Variants in EGFR observed in about 807,000 individuals in gnomAD.
The protein encoded by EGFR is epidermal growth factor receptor, also known as avian erythroblastic leukemia viral (v-erb-b) oncogene homolog.
Under a neutral mutation model 143.0 loss-of-function variants are expected in EGFR, and 58 were observed. That is an observed-to-expected ratio of 0.41 (90% CI 0.33 to 0.50). EGFR has a LOEUF of 0.50. Ranked by LOEUF, EGFR falls within the 20% of genes least tolerant of loss-of-function variation. The pLI is 0.39. For synonymous variants in EGFR, 613 were observed against 594.4 expected (o/e 1.03, Z -0.45); for missense variants, 1,307 against 1,579.0 (o/e 0.83, Z 2.92).
intron 1 of EGFR, among the ~76,000 whole-genome samples, chr7:55,104,488 ATT>A (rs1322820766): frequency 1.3e-5 from 2 of 152,100 alleles, no homozygotes; most frequent in Admixed American, 6.5e-5. Flanking sequence ...CGTGAGCCTC[ATT>A]TGTCTCATCT....
intron 1 of EGFR, among the ~76,000 whole-genome samples, chr7:55,022,087 G>C (rs746429918): frequency 2.0e-5 from 3 of 152,136 alleles, no homozygotes; most frequent in Non-Finnish European, 2.9e-5. Flanking sequence ...CGGGCTGTCC[G>C]GCAGTCTGCA....
chr7:55,180,795 G>A (rs13243364), intron 19 of EGFR: 101,373 of 182,250 alleles, frequency 0.56, 29,180 homozygotes, highest in Middle Eastern at 0.66. Context: ...GGTGCTCCCC[G>A]GATGCCTTCT....
intron 1 of EGFR, among the ~76,000 whole-genome samples, chr7:55,126,304 T>A (rs1287985832): frequency 2.0e-5 from 3 of 152,168 alleles, no homozygotes; most frequent in African/African-American, 7.2e-5. Context: ...GGACTGTTCG[T>A]TTTTGCACAT....
At chr7:55,026,998 G>A (rs2128859720) in intron 1 of EGFR, among the ~76,000 whole-genome samples, 1 of 152,298 alleles carries the variant, frequency 6.6e-6, no homozygotes, top group South Asian at 2.1e-4. Flanking sequence ...TAAGACACTG[G>A]AAGGGCAGGC....
intron 19 of EGFR, among the ~76,000 whole-genome samples, chr7:55,176,892 G>A (rs1786618133): frequency 7.1e-6 from 1 of 141,274 alleles, no homozygotes; most frequent in African/African-American, 2.6e-5. Flanking sequence ...TATATTTAGA[G>A]ATATATATCT....
In EGFR at chr7:55,181,472, C is replaced by G. The variant is rs367859869; in HGVS notation, c.2463C>G (p.Ile821Met). Residue 821 changes from isoleucine (I) to methionine (M), a missense_variant, in exon 20 of 28, where the codon ATC becomes ATG. This residue lies in a region of EGFR where 348 missense variants were observed against 451.5 expected (regional missense o/e 0.77). Coordinates refer to ENST00000275493, the MANE Select transcript of EGFR (RefSeq NM_005228.5). The part of the protein sequence containing the change: ...SQYLLNWCVQ[I>M]AKGMNYLEDR... Reference sequence around the variant, plus strand: ...ACCTGCTCAACTGGTGTGTGCAGATCGCAAAGGTAATCAGGGAAGGGAGAT... The same window carrying G: ...ACCTGCTCAACTGGTGTGTGCAGATGGCAAAGGTAATCAGGGAAGGGAGAT... The G allele has an allele frequency of 1.9e-6, 3 of 1,614,200 alleles. No homozygotes were observed. The highest frequency in any genetic ancestry group is 2.5e-6 in the Non-Finnish European group (3 of 1,180,040).
At position 55,152,639 on chromosome 7, in the gene EGFR, C is replaced by T. The variant is rs370744986; in HGVS notation, c.722C>T (p.Thr241Ile). 3.7e-6 allele frequency: 6 copies of T among 1,613,698 alleles called. No homozygotes were observed. Among genetic ancestry groups the T allele is most frequent in the Non-Finnish European group, 5.1e-6 (6 of 1,180,044 alleles). The change falls in exon 6 of 28, where the codon ACA (threonine) becomes ATA (isoleucine). Residue 241 changes from threonine (T) to isoleucine (I), a missense_variant. Physicochemically the swap from Thr to Ile is moderately conservative, Grantham distance 89. Transcript: ENST00000275493. ...CCHNQCAAGC[T>I]GPRESDCLVC... ...CACAACCAGTGTGCTGCAGGCTGCA[C>T]AGGCCCCCGGGAGAGCGACTGCCTG...
At chr7:55,099,958 A>G (rs1791705636) in intron 1 of EGFR, among the ~76,000 whole-genome samples, 1 of 152,222 alleles carries the variant, frequency 6.6e-6, no homozygotes, top group Non-Finnish European at 1.5e-5. Flanking sequence ...GTGTTTACAG[A>G]TAATACAAGG....
At chr7:55,118,736 C>T (rs1448080302) in intron 1 of EGFR, among the ~76,000 whole-genome samples, 1 of 152,070 alleles carries the variant, frequency 6.6e-6, no homozygotes, top group African/African-American at 2.4e-5. Context: ...CACAGATCCA[C>T]AGAGAAGTGT....
In EGFR at chr7:55,207,288, G is replaced by C. The variant is rs767303455; in HGVS notation, c.*1671G>C. 1.3e-5 allele frequency: 3 copies of C among 232,506 alleles called. No homozygotes were observed. Among genetic ancestry groups the C allele is most frequent in the African/African-American group, 4.4e-5 (2 of 45,290 alleles). The allele number at this position is 232,506 out of a possible 1,614,324, so 14.4% of individuals were successfully genotyped here. ...GAGCCCCTACAGCATTGTTAAGAAA[G>C]TATTTGATTTTTGTCTCAATGAAAA... On this transcript the variant is annotated 3_prime_UTR_variant, in exon 28 of 28. Transcript: ENST00000275493.
intron 1 of EGFR, among the ~76,000 whole-genome samples, chr7:55,074,168 G>T (rs1304852102): frequency 6.6e-6 from 1 of 152,214 alleles, no homozygotes; most frequent in African/African-American, 2.4e-5. Flanking sequence ...TTAACCTTGT[G>T]AGAAAACAAA....
chr7:55,031,730 G>A (rs767657597), intron 1 of EGFR, among the ~76,000 whole-genome samples: 11 of 152,334 alleles, frequency 7.2e-5, no homozygotes, highest in African/African-American at 1.2e-4. Flanking sequence ...AAGTAGTCAC[G>A]AACTCAAGGC....
intron 1 of EGFR, among the ~76,000 whole-genome samples, chr7:55,027,921 A>G (rs1282868234): frequency 2.0e-5 from 3 of 150,448 alleles, no homozygotes; most frequent in African/African-American, 4.9e-5. Flanking sequence ...ATTTGCAACA[A>G]ATAAAGAGTG....
intron 18 of EGFR, 46 bp downstream of exon 18, chr7:55,174,089 C>T: frequency 6.2e-7 from 1 of 1,613,408 alleles, no homozygotes. Context: ...CAGGGCCTCT[C>T]ATGGTCTGGT....
chr7:55,058,426 T>C (rs779050717), intron 1 of EGFR, among the ~76,000 whole-genome samples: 1 of 151,628 alleles, frequency 6.6e-6, no homozygotes, highest in African/African-American at 2.4e-5. Context: ...GCATATACAC[T>C]ATTCACAATA....
intron 1 of EGFR, among the ~76,000 whole-genome samples, chr7:55,036,622 G>A (rs539896278): frequency 2.2e-4 from 33 of 152,262 alleles, no homozygotes; most frequent in Admixed American, 1.7e-3. Flanking sequence ...GCTTCTCGAC[G>A]GAGGTATTGG....
In EGFR at chr7:55,180,279, T is replaced by C. The variant is rs545298961; in HGVS notation, c.2284-1014T>C. Reference sequence around the variant, plus strand: ...GAATAAAAGGTCACCACCATTTGTATTTTAAAGAGAAAGAGAATTTATGGG... The same window carrying C: ...GAATAAAAGGTCACCACCATTTGTACTTTAAAGAGAAAGAGAATTTATGGG... On this transcript the variant is annotated intron_variant, in intron 19 of 27. Coordinates refer to ENST00000275493, the MANE Select transcript of EGFR (RefSeq NM_005228.5). 3 of 152,398 alleles carry C rather than the reference T, an allele frequency of 2.0e-5. 1 individual carries two copies. In the South Asian group the frequency reaches 6.2e-4, roughly 32 times the overall value. The allele number at this position is 152,398 out of a possible 1,614,324, so 9.4% of individuals were successfully genotyped here.
chr7:55,143,991 C>T (rs933697897), intron 3 of EGFR, among the ~76,000 whole-genome samples: 3 of 152,042 alleles, frequency 2.0e-5, no homozygotes, highest in Admixed American at 6.5e-5. Context: ...GAGCAGGACT[C>T]GTGAGGTTCC....
At position 55,201,327 on chromosome 7, in the gene EGFR, C is replaced by A. The variant is rs182857647; in HGVS notation, c.3086C>A (p.Thr1029Lys). 3 of 1,614,114 alleles carry A rather than the reference C, an allele frequency of 1.9e-6. No individual in the cohort carries two copies. The East Asian group carries it at 6.7e-5, about 36-fold the overall frequency. Residue 1029 changes from threonine (T) to lysine (K), a missense_variant, in exon 25 of 28, where the codon ACG becomes AAG. By Grantham distance (78) the Thr-to-Lys change is moderately conservative. Coordinates refer to ENST00000275493, the MANE Select transcript of EGFR (RefSeq NM_005228.5). ...PQQGFFSSPS[T>K]SRTPLLSSLS... ...CAGGGCTTCTTCAGCAGCCCCTCCACGTCACGGACTCCCCTCCTGAGCTCT... is the reference window on the plus strand; with the variant it reads ...CAGGGCTTCTTCAGCAGCCCCTCCAAGTCACGGACTCCCCTCCTGAGCTCT...
Sources: gnomAD v4.1 joint callset for allele counts (sites outside exome capture counted in the v4.1 genomes callset) on GRCh38, gnomAD v4.1.1 for gene constraint, gnomAD v4.1.1 regional missense constraint, MANE v1.5 for transcripts, NCBI Gene and HGNC (gene_info 2026-07-23, HGNC 2026-07-21) for gene names.